Variants in LATS2 observed in about 807,000 individuals in gnomAD.
LATS2 encodes the protein serine/threonine-protein kinase LATS2.
LATS2 carries 24 observed loss-of-function variants against 76.0 expected under a neutral mutation model. The observed-to-expected ratio is 0.32, with a 90% CI of 0.23 to 0.44. LATS2 has a LOEUF of 0.44. Ranked by LOEUF, LATS2 falls within the 20% of genes least tolerant of loss-of-function variation. The pLI, the probability that LATS2 is intolerant of heterozygous loss-of-function variation, is 1.00. For missense variants in LATS2, 1,286 were observed against 1,481.2 expected (o/e 0.87, Z 2.16); for synonymous variants, 692 against 635.4 (o/e 1.09, Z -1.34).
intron 2 of LATS2, among the ~76,000 whole-genome samples, chr13:20,993,359 T>C (rs1870592621): frequency 5.9e-5 from 9 of 152,220 alleles, no homozygotes. Context: ...ATTGTCCATA[T>C]ATGATGGTCT....
chr13:21,048,667 C>T (rs1260738840), intron 1 of LATS2, among the ~76,000 whole-genome samples: 2 of 151,906 alleles, frequency 1.3e-5, no homozygotes, highest in Non-Finnish European at 2.9e-5. Context: ...AACCCTGTCT[C>T]TACTAACTAA....
At chr13:21,021,101 T>A (rs1010392245) in intron 2 of LATS2, among the ~76,000 whole-genome samples, 3 of 152,174 alleles carry the variant, frequency 2.0e-5, no homozygotes, top group African/African-American at 7.2e-5. Context: ...TGGGTCACTG[T>A]CAAAACTGGT....
chr13:20,985,862 A>G (rs1207368139), intron 4 of LATS2, among the ~76,000 whole-genome samples: 1 of 143,540 alleles, frequency 7.0e-6, no homozygotes, highest in Non-Finnish European at 1.5e-5. Flanking sequence ...CCTGAACAAC[A>G]TGGTGAAACC....
intron 2 of LATS2, among the ~76,000 whole-genome samples, chr13:21,000,027 G>C (rs1314045092): frequency 1.3e-5 from 2 of 151,868 alleles, no homozygotes; most frequent in Non-Finnish European, 2.9e-5. Context: ...ACAAAACAAA[G>C]AAACACTGAT....
chr13:21,004,014 C>G (rs1871157508), intron 2 of LATS2, among the ~76,000 whole-genome samples: 1 of 152,174 alleles, frequency 6.6e-6, no homozygotes, highest in South Asian at 2.1e-4. Context: ...TTAGCTATGG[C>G]TATCATTACT....
intron 2 of LATS2, among the ~76,000 whole-genome samples, chr13:21,010,367 G>T (rs1018143901): frequency 6.6e-6 from 1 of 151,852 alleles, no homozygotes; most frequent in Non-Finnish European, 1.5e-5. Context: ...AAAGGCCCCA[G>T]GGACAAACCC....
chr13:20,986,671 T>C (rs1870157479), intron 4 of LATS2, among the ~76,000 whole-genome samples: 1 of 152,106 alleles, frequency 6.6e-6, no homozygotes, highest in African/African-American at 2.4e-5. Context: ...GGTGCAAACA[T>C]ACAGCTGGAT....
At chr13:20,993,069 G>T (rs573639659) in intron 2 of LATS2, among the ~76,000 whole-genome samples, 24 of 151,008 alleles carry the variant, frequency 1.6e-4, no homozygotes, top group South Asian at 6.3e-4. Context: ...AAATGGGGGG[G>T]TGGAGATACA....
At position 20,974,900 on chromosome 13, in the gene LATS2, C is replaced by G. The variant is rs756833597; in HGVS notation, c.3237G>C (p.Gln1079His). 6.2e-6 allele frequency: 10 copies of G among 1,613,676 alleles called. No individual in the cohort carries two copies. Among genetic ancestry groups the G allele is most frequent in the Non-Finnish European group, 8.5e-6 (10 of 1,179,884 alleles). Residue 1079 changes from glutamine (Q) to histidine (H), a missense_variant, in exon 8 of 8, where the codon CAG becomes CAC. This residue lies in a region of LATS2 where 210 missense variants were observed against 234.9 expected (regional missense o/e 0.89). Transcript: ENST00000382592. The part of the protein sequence containing the change: ...SDLESSDLVD[Q>H]TEGCQPVYV ...CGTACACAGGCTGGCAGCCTTCAGT[C>G]TGATCCACCAGATCAGAGCTTTCTA...
chr13:21,036,768 G>A (rs899931056), intron 2 of LATS2, among the ~76,000 whole-genome samples: 9 of 135,806 alleles, frequency 6.6e-5, no homozygotes, highest in East Asian at 2.1e-4. Context: ...GCAAAACTCC[G>A]TCTCAAAACA....
intron 2 of LATS2, among the ~76,000 whole-genome samples, chr13:21,005,873 G>A (rs1460539239): frequency 6.6e-6 from 1 of 151,742 alleles, no homozygotes; most frequent in Admixed American, 6.6e-5. Flanking sequence ...CAGTACTTTG[G>A]GAGGCCGAGG....
rs371266176 is a variant in LATS2, at chr13:20,975,201, G to A, written c.2936C>T (p.Ser979Phe). Residue 979 changes from serine (S) to phenylalanine (F), a missense_variant, in exon 8 of 8, where the codon TCC (serine) becomes TTC (phenylalanine). Ser to Phe is a radical substitution (Grantham distance 155). Coordinates refer to ENST00000382592, the MANE Select transcript of LATS2 (RefSeq NM_014572.3). ...GGCTGGCTGCTTCCGGATGTCACTGGAGAAGTCAATGGCGCTGAAGAAGGG... is the reference window on the plus strand; with the variant it reads ...GGCTGGCTGCTTCCGGATGTCACTGAAGAAGTCAATGGCGCTGAAGAAGGG... ...AHPFFSAIDF[S>F]SDIRKQPAPY... 28 of 1,614,096 alleles carry A rather than the reference G, an allele frequency of 1.7e-5. No homozygotes were observed. The highest frequency in any genetic ancestry group is 2.3e-5 in the Non-Finnish European group (27 of 1,180,052).
rs1872928991 is a variant in LATS2 at position 21,042,850 on chromosome 13, G to C, written c.342+2835C>G. On this transcript the variant is annotated intron_variant, in intron 2 of 7. Transcript: ENST00000382592. ...ATACAAAAAATTAGCCGGGCGTGGT[G>C]GTGGGTGCCTGTAATCCCAGCTACT... Among the ~76,000 whole-genome samples, 5 of 152,108 alleles carry C rather than the reference G, an allele frequency of 3.3e-5. No individual in the cohort carries two copies. The South Asian group carries it at 8.3e-4, about 25-fold the overall frequency.
intron 1 of LATS2, among the ~76,000 whole-genome samples, chr13:21,054,551 C>G (rs1051021247): frequency 2.0e-5 from 3 of 152,216 alleles, no homozygotes; most frequent in African/African-American, 7.2e-5. Flanking sequence ...ACCCCACTGG[C>G]CCTCCACCAC....
Position 20,974,680 on chromosome 13 carries a change from G to C in LATS2, c.*190C>G, listed in dbSNP as rs1869506555. ...GAAGGTCCTGAAAAGCCTATTGAAA[G>C]CGATGCTGAGTCCTGTTTTCAAAAG... On this transcript the variant is annotated 3_prime_UTR_variant, in exon 8 of 8. Coordinates refer to ENST00000382592, the MANE Select transcript of LATS2 (RefSeq NM_014572.3). The C allele has an allele frequency of 6.7e-6, 4 of 594,720 alleles. No homozygotes were observed. The highest frequency in any genetic ancestry group is 1.2e-5 in the Non-Finnish European group (4 of 345,664). 36.8% of individuals were successfully genotyped at this position (594,720 alleles called of 1,614,324 possible). A position where few individuals can be genotyped will look rare whatever the true frequency, so the allele number is the denominator to read the frequency against.
At chr13:21,037,662 C>T (rs1003096845) in intron 2 of LATS2, among the ~76,000 whole-genome samples, 2 of 152,224 alleles carry the variant, frequency 1.3e-5, no homozygotes, top group South Asian at 2.1e-4. Context: ...CGGGAGAGAA[C>T]GAGGGACCTA....
intron 7 of LATS2, among the ~76,000 whole-genome samples, chr13:20,976,994 T>C (rs1869653021): frequency 6.6e-6 from 1 of 152,234 alleles, no homozygotes; most frequent in South Asian, 2.1e-4. Flanking sequence ...AGTGGAATTA[T>C]TATTCCACCT....
intron 1 of LATS2, among the ~76,000 whole-genome samples, chr13:21,051,783 A>G (rs1352245660): frequency 1.2e-4 from 18 of 152,136 alleles, no homozygotes; most frequent in Admixed American, 1.2e-3. Flanking sequence ...ACAGAGGCAG[A>G]CGGCATTTCT....
chr13:20,999,184 C>G (rs1450371662), intron 2 of LATS2, among the ~76,000 whole-genome samples: 1 of 152,232 alleles, frequency 6.6e-6, no homozygotes, highest in Non-Finnish European at 1.5e-5. Context: ...TGTCTGTGTG[C>G]TTGAAGAAAA....
Sources: gnomAD v4.1 joint callset for allele counts (sites outside exome capture counted in the v4.1 genomes callset) on GRCh38, gnomAD v4.1.1 for gene constraint, gnomAD v4.1.1 regional missense constraint, MANE v1.5 for transcripts, NCBI Gene and HGNC (gene_info 2026-07-23, HGNC 2026-07-21) for gene names.